ATP8A1: variants seen among roughly 807,000 people sequenced by gnomAD.
The protein encoded by ATP8A1 is phospholipid-transporting ATPase IA.
Under a neutral mutation model 177.7 loss-of-function variants are expected in ATP8A1, and 90 were observed. The ratio of observed to expected loss-of-function variants is 0.51; its 90% confidence interval spans 0.43 to 0.60. The LOEUF is 0.60. Ranked by LOEUF, ATP8A1 falls within the 20% of genes least tolerant of loss-of-function variation. The pLI is 0.00. For synonymous variants in ATP8A1, 493 were observed against 485.9 expected (o/e 1.01, Z -0.19); for missense variants, 1,072 against 1,392.8 (o/e 0.77, Z 3.67).
At chr4:42,578,671 T>C (rs1169308476) in intron 11 of ATP8A1, among the ~76,000 whole-genome samples, 2 of 152,126 alleles carry the variant, frequency 1.3e-5, no homozygotes, top group Non-Finnish European at 2.9e-5. Context: ...TTTAGAGACA[T>C]CAGGGATAGC....
At chr4:42,493,668 G>A (rs1265721992) in intron 24 of ATP8A1, among the ~76,000 whole-genome samples, 1 of 152,114 alleles carries the variant, frequency 6.6e-6, no homozygotes, top group Admixed American at 6.6e-5. Flanking sequence ...GGTTTCCTCC[G>A]AATCCTTGCT....
rs1712725218 is a variant in ATP8A1 at position 42,412,420 on chromosome 4, T to C, written c.*496A>G. 6.6e-6 allele frequency: 1 copy of C among 152,278 alleles called. No individual in the cohort carries two copies. Among genetic ancestry groups the C allele is most frequent in the African/African-American group, 2.4e-5 (1 of 41,458 alleles). 9.4% of individuals were successfully genotyped at this position (152,278 alleles called of 1,614,324 possible). On this transcript the variant is annotated 3_prime_UTR_variant, in exon 37 of 37. Transcript: ENST00000381668. ...TTATCAAGACAATTTTGGACACAAA[T>C]GCTTGTTTAGAAATTTTGCTCAGGA...
At chr4:42,509,566 GTTA>G (rs991075842) in intron 22 of ATP8A1, among the ~76,000 whole-genome samples, 3 of 152,168 alleles carry the variant, frequency 2.0e-5, no homozygotes, top group Admixed American at 1.3e-4. Flanking sequence ...AAACTCAAAA[GTTA>G]TTGTTTCTTG....
At chr4:42,462,371 T>C (rs547460039) in intron 27 of ATP8A1, among the ~76,000 whole-genome samples, 2 of 152,296 alleles carry the variant, frequency 1.3e-5, no homozygotes, top group South Asian at 4.1e-4. Flanking sequence ...CCAAGAGACT[T>C]GGTGCTCTGC....
chr4:42,440,992 A>G (rs10034088), intron 33 of ATP8A1, among the ~76,000 whole-genome samples: 147,077 of 152,202 alleles, frequency 0.97, 71,264 homozygotes, highest in Non-Finnish European at 1. Context: ...TGGGGATATG[A>G]TCTTTGGATT....
chr4:42,551,436 C>G (rs1235104875), intron 17 of ATP8A1, among the ~76,000 whole-genome samples, 156 bp from the exon 18 acceptor site: 1 of 152,104 alleles, frequency 6.6e-6, no homozygotes, highest in East Asian at 1.9e-4. Context: ...AATTACATGA[C>G]AATTCCAAAG....
intron 5 of ATP8A1, among the ~76,000 whole-genome samples, chr4:42,613,088 T>C (rs927401658): frequency 2.6e-5 from 4 of 152,198 alleles, no homozygotes; most frequent in African/African-American, 7.2e-5. Flanking sequence ...GAAAAGCAAA[T>C]TGAATTTCAT....
intron 5 of ATP8A1, among the ~76,000 whole-genome samples, chr4:42,609,916 C>CTCCCTG (rs1418256166): frequency 1.3e-5 from 2 of 152,236 alleles, no homozygotes; most frequent in East Asian, 1.9e-4. Context: ...CCTAACTTGC[C>CTCCCTG]TCCCTGTCCC....
At chr4:42,532,677 T>C (rs868582549) in intron 20 of ATP8A1, among the ~76,000 whole-genome samples, 2 of 152,310 alleles carry the variant, frequency 1.3e-5, no homozygotes, top group Non-Finnish European at 2.9e-5. Flanking sequence ...CTCAGATGGA[T>C]GGAGCAGCGT....
chr4:42,648,733 G>GA (rs1740796490), intron 1 of ATP8A1, among the ~76,000 whole-genome samples: 2 of 151,618 alleles, frequency 1.3e-5, no homozygotes, highest in African/African-American at 4.8e-5. Context: ...TATGAATAAG[G>GA]AAAAAAGGTA....
intron 25 of ATP8A1, among the ~76,000 whole-genome samples, chr4:42,473,958 G>A (rs966060175): frequency 6.6e-6 from 1 of 151,878 alleles, no homozygotes; most frequent in Non-Finnish European, 1.5e-5. Flanking sequence ...ACAGCCCAGA[G>A]CTTGTTTAGG....
At chr4:42,559,061 G>A (rs1463915655) in intron 15 of ATP8A1, among the ~76,000 whole-genome samples, 2 of 152,082 alleles carry the variant, frequency 1.3e-5, no homozygotes, top group Non-Finnish European at 2.9e-5. Context: ...AGCTGGTGGT[G>A]TGTAATCCCA....
chr4:42,624,624 T>A lies in ATP8A1; in HGVS notation c.275A>T (p.Asp92Val). ...TGTATAACGACCTGTTGGTGACACA[T>A]CAGGTATTTGCTGTTTGGAAAAAAA... ...LFIALLQQIP[D>V]VSPTGRYTTL... The change falls in exon 4 of 37, where the codon GAT (aspartate) becomes GTT (valine). Residue 92 changes from aspartate to valine, a missense_variant. Transcript: ENST00000381668. 2.1e-6 allele frequency: 3 copies of A among 1,403,848 alleles called. No individual in the cohort carries two copies. The highest frequency in any genetic ancestry group is 2.8e-6 in the Non-Finnish European group (3 of 1,066,728). The allele number at this position is 1,403,848 out of a possible 1,614,324, so 87.0% of individuals were successfully genotyped here.
intron 1 of ATP8A1, among the ~76,000 whole-genome samples, chr4:42,641,597 T>C (rs1241352737): frequency 1.3e-5 from 2 of 152,158 alleles, no homozygotes; most frequent in Non-Finnish European, 2.9e-5. Flanking sequence ...GAAAAGAGTA[T>C]TATTAAATTA....
chr4:42,608,951 G>GGC (rs1736097816), intron 5 of ATP8A1, among the ~76,000 whole-genome samples: 1 of 152,164 alleles, frequency 6.6e-6, no homozygotes, highest in Non-Finnish European at 1.5e-5. Context: ...GGCACAAACT[G>GGC]ACATGGCACA....
intron 1 of ATP8A1, among the ~76,000 whole-genome samples, chr4:42,634,521 C>T (rs1423295141): frequency 6.6e-6 from 1 of 152,100 alleles, no homozygotes; most frequent in Non-Finnish European, 1.5e-5. Context: ...CTCATTATTA[C>T]ATGGTAATCA....
At chr4:42,649,252 C>T (rs1740848079) in intron 1 of ATP8A1, among the ~76,000 whole-genome samples, 1 of 152,070 alleles carries the variant, frequency 6.6e-6, no homozygotes, top group South Asian at 2.1e-4. Context: ...TGAGCTGCTA[C>T]CAAGTGTCAA....
intron 5 of ATP8A1, among the ~76,000 whole-genome samples, chr4:42,610,374 T>G (rs1479699170): frequency 6.6e-6 from 1 of 152,150 alleles, no homozygotes; most frequent in Non-Finnish European, 1.5e-5. Flanking sequence ...TTAATATAAC[T>G]TATTTGGGTT....
intron 16 of ATP8A1, among the ~76,000 whole-genome samples, chr4:42,552,980 C>T (rs947836119): frequency 3.3e-5 from 5 of 152,080 alleles, no homozygotes; most frequent in African/African-American, 7.2e-5. Flanking sequence ...AGTGAGACTC[C>T]GTCTCAAAAC....
Sources: allele counts gnomAD v4.1 joint callset (sites outside exome capture counted in the v4.1 genomes callset), GRCh38; gene constraint gnomAD v4.1.1; transcripts MANE v1.5; gene names NCBI Gene and HGNC (gene_info 2026-07-23, HGNC 2026-07-21).